The following EDA variants were observed in gnomAD, a reference collection of about 807,000 sequenced individuals.
EDA encodes ectodysplasin-A.
Under a neutral mutation model 23.6 loss-of-function variants are expected in EDA, and 2 were observed. That is an observed-to-expected ratio of 0.08 (90% CI 0.03 to 0.27). The LOEUF (loss-of-function observed/expected upper bound fraction) is 0.27. EDA is among the 10% of genes least tolerant of loss of function. The pLI, the probability that EDA is intolerant of heterozygous loss-of-function variation, is 1.00. For missense variants in EDA, 229 were observed against 324.2 expected (o/e 0.71, Z 2.26); for synonymous variants, 131 against 132.0 (o/e 0.99, Z 0.05).
At chrX:69,947,720 C>G (rs1276168518) in intron 1 of EDA, among the ~76,000 whole-genome samples, 1 of 112,143 alleles carries the variant, frequency 8.9e-6, no homozygotes, top group Non-Finnish European at 1.9e-5. Flanking sequence ...GACTCTGACT[C>G]TGACAATAAA....
intron 1 of EDA, among the ~76,000 whole-genome samples, chrX:69,939,240 C>T (rs969098261): frequency 3.6e-5 from 4 of 111,569 alleles, no homozygotes; most frequent in Non-Finnish European, 3.8e-5. Context: ...ACTATCTTTT[C>T]CATTTTTTGT....
intron 2 of EDA, among the ~76,000 whole-genome samples, chrX:70,001,274 G>A: frequency 9.0e-6 from 1 of 111,578 alleles, no homozygotes; most frequent in Non-Finnish European, 1.9e-5. Flanking sequence ...CTCCATTCCT[G>A]ATTAAAGGGA....
At chrX:69,804,888 T>C (rs2015778206) in intron 1 of EDA, among the ~76,000 whole-genome samples, 1 of 112,163 alleles carries the variant, frequency 8.9e-6, no homozygotes, top group African/African-American at 3.2e-5. Context: ...GGAGCCATGT[T>C]ATAACATTGT....
chrX:69,818,936 A>G (rs2016145877), intron 1 of EDA, among the ~76,000 whole-genome samples: 3 of 112,188 alleles, frequency 2.7e-5, no homozygotes, highest in African/African-American at 9.7e-5. Flanking sequence ...CTTCAGGCCA[A>G]TAACCTTAGT....
chrX:69,647,443 G>A (rs761608450), intron 1 of EDA, among the ~76,000 whole-genome samples: 1 of 110,964 alleles, frequency 9.0e-6, no homozygotes, highest in African/African-American at 3.3e-5. Context: ...AGATAGTCTT[G>A]AAGCACTGAG....
At chrX:69,968,438 G>A (rs369531271) in intron 2 of EDA, among the ~76,000 whole-genome samples, 117 of 111,801 alleles carry the variant, frequency 1.0e-3, no homozygotes, top group African/African-American at 3.6e-3. Context: ...CTTTCCTCTC[G>A]GCATGAGGCT....
chrX:69,749,926 T>C (rs2013765008), intron 1 of EDA, among the ~76,000 whole-genome samples: 2 of 97,093 alleles, frequency 2.1e-5, no homozygotes, highest in Admixed American at 1.1e-4. Context: ...AAGGTTCTTT[T>C]TTTTTTTTTT....
At chrX:69,682,415 C>T (rs1384580957) in intron 1 of EDA, among the ~76,000 whole-genome samples, 1 of 112,430 alleles carries the variant, frequency 8.9e-6, no homozygotes, top group Admixed American at 9.3e-5. Context: ...CGCCCCTCCC[C>T]CAGCCTCGCT....
intron 1 of EDA, among the ~76,000 whole-genome samples, chrX:69,762,097 A>G (rs1029743352): frequency 8.9e-6 from 1 of 111,818 alleles, no homozygotes; most frequent in African/African-American, 3.2e-5. Flanking sequence ...AGGTATCAGT[A>G]TATATATTTA....
At chrX:69,753,298 A>G (rs2013967399) in intron 1 of EDA, among the ~76,000 whole-genome samples, 1 of 111,968 alleles carries the variant, frequency 8.9e-6, no homozygotes, top group Non-Finnish European at 1.9e-5. Flanking sequence ...ATTGGTTTCA[A>G]AGAACATCTT....
At chrX:70,029,621 T>C in intron 5 of EDA, 83 bp downstream of exon 5, 1 of 1,011,687 alleles carries the variant, frequency 9.9e-7, no homozygotes, top group East Asian at 3.0e-5. Flanking sequence ...TTATTAGATT[T>C]CCTGAGGCTT....
At chrX:69,752,933 C>G (rs1283524598) in intron 1 of EDA, among the ~76,000 whole-genome samples, 1 of 111,579 alleles carries the variant, frequency 9.0e-6, no homozygotes, top group Non-Finnish European at 1.9e-5. Flanking sequence ...TCTCCTTTAT[C>G]ATTTTTTATT....
chrX:69,988,166 G>A (rs1054785028), intron 2 of EDA, among the ~76,000 whole-genome samples: 1 of 111,829 alleles, frequency 8.9e-6, no homozygotes, highest in Non-Finnish European at 1.9e-5. Context: ...CAAACTTCAC[G>A]TGTCCTCACT....
intron 1 of EDA, among the ~76,000 whole-genome samples, chrX:69,948,672 T>G (rs1192643842): frequency 8.9e-6 from 1 of 112,550 alleles, no homozygotes; most frequent in Non-Finnish European, 1.9e-5. Flanking sequence ...CCTCCTATTG[T>G]GTAGTGCTGT....
At chrX:69,666,071 T>C (rs761893458) in intron 1 of EDA, among the ~76,000 whole-genome samples, 1 of 112,057 alleles carries the variant, frequency 8.9e-6, no homozygotes, top group Non-Finnish European at 1.9e-5. Context: ...GATGCTATCA[T>C]AAATGGGATT....
At chrX:69,637,365 C>T (rs1211561602) in intron 1 of EDA, among the ~76,000 whole-genome samples, 1 of 111,136 alleles carries the variant, frequency 9.0e-6, no homozygotes, top group Admixed American at 9.6e-5. Context: ...CAAAGAAGGA[C>T]TCTGAAATTG....
intron 1 of EDA, among the ~76,000 whole-genome samples, chrX:69,676,847 C>CT (rs1934106717): frequency 9.1e-6 from 1 of 110,320 alleles, no homozygotes; most frequent in Admixed American, 9.7e-5. Flanking sequence ...TATTATTACA[C>CT]TTTAAGTTTT....
chrX:69,959,123 T>C (rs2019063244), intron 2 of EDA, among the ~76,000 whole-genome samples: 1 of 112,329 alleles, frequency 8.9e-6, no homozygotes, highest in South Asian at 3.7e-4. Context: ...TATTCTGTCC[T>C]AATACAAAAC....
At chrX:69,679,136 G>A (rs1184529693) in intron 1 of EDA, among the ~76,000 whole-genome samples, 7 of 109,428 alleles carry the variant, frequency 6.4e-5, no homozygotes, top group East Asian at 2.9e-4. Context: ...ATTGATTTGC[G>A]TATATTGAAC....
Sources: gnomAD v4.1 joint callset for allele counts (sites outside exome capture counted in the v4.1 genomes callset) on GRCh38, gnomAD v4.1.1 for gene constraint, MANE v1.5 for transcripts, NCBI Gene and HGNC (gene_info 2026-07-23, HGNC 2026-07-21) for gene names.